CEP192: variants seen among roughly 807,000 people sequenced by gnomAD.
CEP192 encodes the protein centrosomal protein 192, also known as centrosomal protein of 192 kDa.
CEP192 carries 151 observed loss-of-function variants against 271.8 expected under a neutral mutation model. The observed-to-expected ratio is 0.56, with a 90% CI of 0.49 to 0.64. The LOEUF (loss-of-function observed/expected upper bound fraction) is 0.64, where lower values mean the gene tolerates loss of function less well. Ranked by LOEUF, CEP192 falls within the 30% of genes least tolerant of loss-of-function variation. The pLI is 0.00. For synonymous variants in CEP192, 995 were observed against 1,076.5 expected (o/e 0.92, Z 1.48); for missense variants, 2,910 against 3,020.5 (o/e 0.96, Z 0.86).
chr18:13,049,146 T>C lies in CEP192; in HGVS notation c.2355T>C (p.Leu785=). 6.2e-7 allele frequency: 1 copy of C among 1,613,708 alleles called. No individual in the cohort carries two copies. Among genetic ancestry groups the C allele is most frequent in the South Asian group, 1.1e-5 (1 of 91,018 alleles). Residue 785 remains leucine, a synonymous_variant, in exon 16 of 45, where the codon CTT becomes CTC. Coordinates refer to ENST00000506447, the MANE Select transcript of CEP192 (RefSeq NM_032142.4). ...ATGCACTTGATATGGAGAAATACCT[T>C]AAAAAAACAGAAGTTAGTAGATATG... The part of the protein sequence containing the change: ...GSNALDMEKY[L]KKTEVSRYES...
At chr18:12,998,590 T>A (rs1341517557) in intron 1 of CEP192, among the ~76,000 whole-genome samples, 4 of 152,232 alleles carry the variant, frequency 2.6e-5, no homozygotes, top group Non-Finnish European at 5.9e-5. Context: ...GGCTCATGTT[T>A]ATCATCCTAA....
intron 36 of CEP192, among the ~76,000 whole-genome samples, chr18:13,099,168 TGGGGAGAGGGAG>T (rs1385924380): frequency 1.4e-4 from 2 of 14,276 alleles, no homozygotes; most frequent in African/African-American, 5.8e-4. Context: ...AGGGAGACCA[TGGGGAGAGGGAG>T]GGGGAGGGGG....
chr18:13,091,624 G>A (rs115560306), intron 33 of CEP192, among the ~76,000 whole-genome samples: 92 of 152,240 alleles, frequency 6.0e-4, no homozygotes, highest in African/African-American at 2.2e-3. Flanking sequence ...TTTCAGTCAG[G>A]AGTCTTGCTT....
intron 30 of CEP192, among the ~76,000 whole-genome samples, chr18:13,086,099 C>T (rs2038884582): frequency 6.6e-6 from 1 of 152,200 alleles, no homozygotes; most frequent in African/African-American, 2.4e-5. Context: ...AGGTCATTGA[C>T]TTCCCTTGTA....
At chr18:13,041,561 CTTTTTTTTTGAGACAGTCTCTTTTT>C (rs1422258753) in intron 14 of CEP192, among the ~76,000 whole-genome samples, 2 of 148,976 alleles carry the variant, frequency 1.3e-5, no homozygotes, top group African/African-American at 2.5e-5. Flanking sequence ...CTTTTCTTCT[CTTTTTTTTTGAGACAGTCTCTTTTT>C]TTTTTTTTTG....
chr18:13,082,432 CTTTTTTTTTTTTT>C (rs57663388), intron 30 of CEP192, among the ~76,000 whole-genome samples: 6 of 49,942 alleles, frequency 1.2e-4, no homozygotes, highest in Middle Eastern at 0.02. Flanking sequence ...GCAACCCCTG[CTTTTTTTTTTTTT>C]TTTTTTTTTT....
At chr18:13,024,337 T>C in intron 9 of CEP192, 1 of 456,462 alleles carries the variant, frequency 2.2e-6, no homozygotes. Context: ...AGTGTTTTAA[T>C]GGTATATCTT....
chr18:13,060,960 T>C (rs562859065), intron 21 of CEP192, among the ~76,000 whole-genome samples: 2 of 151,232 alleles, frequency 1.3e-5, no homozygotes, highest in Non-Finnish European at 2.9e-5. Flanking sequence ...TTTCCTAATA[T>C]GTGAATTGAA....
At chr18:13,124,583 C>T (rs780207126) in intron 44 of CEP192, 49 bp from the exon 45 acceptor site, 4 of 1,562,488 alleles carry the variant, frequency 2.6e-6, no homozygotes, top group Middle Eastern at 1.8e-4. Context: ...GGGACAGGGT[C>T]ACGGGTGCTG....
rs1219610128 is a variant in CEP192 at position 13,113,468 on chromosome 18, C to T, written c.7048-118C>T. The T allele has an allele frequency of 1.7e-5, 16 of 949,098 alleles. No individual in the cohort carries two copies. In the Admixed American group the frequency reaches 3.4e-4, roughly 20 times the overall value. The allele number at this position is 949,098 out of a possible 1,614,324, so 58.8% of individuals were successfully genotyped here. A position where few individuals can be genotyped will look rare whatever the true frequency, so the allele number is the denominator to read the frequency against. On this transcript the variant is annotated intron_variant, in intron 40 of 44. Transcript: ENST00000506447. Reference sequence around the variant, plus strand: ...TCTTTCAATTAATGGCAAAACTAGCCAGTGCAAAAGCATTTGTTCCTTTAA... The same window carrying T: ...TCTTTCAATTAATGGCAAAACTAGCTAGTGCAAAAGCATTTGTTCCTTTAA...
chr18:13,104,740 A>T (rs957313271), intron 39 of CEP192, among the ~76,000 whole-genome samples: 2 of 152,238 alleles, frequency 1.3e-5, no homozygotes, highest in African/African-American at 4.8e-5. Context: ...TATAAAGATC[A>T]CTATAGCCAG....
chr18:13,121,443 C>G (rs2040655160), intron 44 of CEP192, among the ~76,000 whole-genome samples: 1 of 152,166 alleles, frequency 6.6e-6, no homozygotes, highest in Admixed American at 6.5e-5. Flanking sequence ...AGGCTGTAAG[C>G]TGATTCTAGC....
chr18:13,049,204 A>G lies in CEP192; in HGVS notation c.2413A>G (p.Met805Val). The G allele has an allele frequency of 6.2e-7, 1 of 1,614,070 alleles. No homozygotes were observed. Among genetic ancestry groups the G allele is most frequent in the Non-Finnish European group, 8.5e-7 (1 of 1,180,014 alleles). The part of the protein sequence containing the change: ...SALENFSRAS[M>V]SDTWDLSLPK... The stretch of plus-strand genomic sequence containing the variant: ...ATTGGAAAACTTTTCAAGGGCTAGT[A>G]TGTCTGATACTTGGGATTTATCTTT... Residue 805 changes from methionine to valine, a missense_variant, in exon 16 of 45, where the codon ATG becomes GTG. Coordinates refer to ENST00000506447, the MANE Select transcript of CEP192 (RefSeq NM_032142.4).
intron 44 of CEP192, among the ~76,000 whole-genome samples, chr18:13,120,417 C>G (rs148519354): frequency 2.1e-3 from 314 of 152,250 alleles, no homozygotes; most frequent in Middle Eastern, 6.8e-3. Context: ...GTAGACTTGC[C>G]GCTCCAGTGC....
At chr18:13,000,894 A>C (rs1292005563) in intron 2 of CEP192, among the ~76,000 whole-genome samples, 1 of 152,244 alleles carries the variant, frequency 6.6e-6, no homozygotes, top group East Asian at 1.9e-4. Context: ...CAGAGATTGC[A>C]GTGACCTGAG....
At chr18:13,083,231 A>G (rs767564006) in intron 30 of CEP192, among the ~76,000 whole-genome samples, 1 of 152,164 alleles carries the variant, frequency 6.6e-6, no homozygotes, top group Non-Finnish European at 1.5e-5. Flanking sequence ...ACTTGGTTCC[A>G]TTCTTCCTGT....
chr18:13,037,757 G>A (rs866276541), intron 12 of CEP192, among the ~76,000 whole-genome samples: 5 of 151,986 alleles, frequency 3.3e-5, no homozygotes, highest in South Asian at 2.1e-4. Context: ...GGCTTGTTAC[G>A]TTGCCTAGAC....
chr18:13,104,718 T>G (rs1473881435), intron 39 of CEP192, among the ~76,000 whole-genome samples: 1 of 152,210 alleles, frequency 6.6e-6, no homozygotes, highest in East Asian at 1.9e-4. Flanking sequence ...TGTTTGACAT[T>G]ATGAGCCTCA....
chr18:13,114,061 A>G, intron 41 of CEP192, 69 bp from the exon 42 acceptor site: 1 of 1,500,076 alleles, frequency 6.7e-7, no homozygotes, highest in South Asian at 1.3e-5. Context: ...TAGAATTCAA[A>G]TAAGTAAATG....
Sources: allele counts gnomAD v4.1 joint callset (sites outside exome capture counted in the v4.1 genomes callset), GRCh38; gene constraint gnomAD v4.1.1; transcripts MANE v1.5; gene names NCBI Gene and HGNC (gene_info 2026-07-23, HGNC 2026-07-21).